Variants in PCDHA7 observed in about 807,000 individuals in gnomAD.
PCDHA7 encodes the protein protocadherin alpha 7, also known as protocadherin alpha-7.
In PCDHA7, 37 loss-of-function variants were observed where a neutral mutation model predicts 57.2. The observed-to-expected ratio is 0.65, with a 90% CI of 0.50 to 0.85. The LOEUF (loss-of-function observed/expected upper bound fraction) is 0.85. PCDHA7 is among the 40% of genes least tolerant of loss of function. PCDHA7 has a pLI of 0.00. For missense variants in PCDHA7, 1,188 were observed against 1,241.8 expected, an observed-to-expected ratio of 0.96 and a Z score of 0.65; for synonymous variants, 553 against 558.8, an observed-to-expected ratio of 0.99 and a Z score of 0.15.
chr5:141,009,732 A>G lies in PCDHA7; in HGVS notation c.2609A>G (p.Glu870Gly). ...AACCCCAAACAATCCGGTCCCGGTG[A>G]GTTGCCCGACAAATTCATTATCCCA... is the stretch of plus-strand genomic sequence containing the variant. Reference protein sequence around the residue: ...PGNPKQSGPGELPDKFIIPGS... With the variant: ...PGNPKQSGPGGLPDKFIIPGS... Residue 870 changes from glutamate to glycine, a missense_variant, in exon 4 of 4, where the codon GAG becomes GGG. Transcript: ENST00000525929. The G allele has an allele frequency of 6.2e-7, 1 of 1,614,168 alleles. No individual in the cohort carries two copies. Among genetic ancestry groups the G allele is most frequent in the Non-Finnish European group, 8.5e-7 (1 of 1,180,032 alleles).
In PCDHA7 at chr5:140,848,080, C is replaced by T. The variant is rs114595741; in HGVS notation, c.2355+11342C>T. 638 of 165,510 alleles carry T rather than the reference C, an allele frequency of 3.9e-3. 35 individuals carry two copies. Among genetic ancestry groups the T allele is most frequent in the African/African-American group, 0.014 (569 of 41,328 alleles). 10.3% of individuals were successfully genotyped at this position (165,510 alleles called of 1,614,324 possible). A position where few individuals can be genotyped will look rare whatever the true frequency, so the allele number is the denominator to read the frequency against. ...ACTTCATTTCTGTCGTTATTTAAAA[C>T]TTAAGTGGAGAGTTTTCTCAGGGAT... On this transcript the variant is annotated intron_variant, in intron 1 of 3. Transcript: ENST00000525929.
intron 1 of PCDHA7, chr5:140,851,395 A>G: frequency 1.0e-6 from 1 of 973,138 alleles, no homozygotes; most frequent in Non-Finnish European, 1.2e-6. Context: ...AGTATCTATT[A>G]TTTTAATAAG....
chr5:140,863,393 C>T (rs782189753), intron 1 of PCDHA7: 2 of 924,736 alleles, frequency 2.2e-6, no homozygotes, highest in African/African-American at 1.7e-5. Context: ...TCGTGCATGC[C>T]GGGCAAGCCC....
chr5:140,901,175 T>C (rs2068484045), intron 1 of PCDHA7, among the ~76,000 whole-genome samples: 1 of 152,162 alleles, frequency 6.6e-6, no homozygotes, highest in African/African-American at 2.4e-5. Context: ...CTTCACTTTG[T>C]TGATTGTTTG....
At chr5:140,883,343 A>G in intron 1 of PCDHA7, 1 of 1,614,142 alleles carries the variant, frequency 6.2e-7, no homozygotes, top group Non-Finnish European at 8.5e-7. Context: ...GTCACTCCCC[A>G]TCAGAGAAGA....
chr5:140,875,938 G>A (rs375005102), intron 1 of PCDHA7: 5 of 1,614,020 alleles, frequency 3.1e-6, no homozygotes, highest in Middle Eastern at 1.6e-4. Flanking sequence ...TCCTCTAGAG[G>A]GCGCTTCTGA....
chr5:140,917,338 G>GGGGGGGT (rs2078134893), intron 1 of PCDHA7, among the ~76,000 whole-genome samples: 1 of 137,894 alleles, frequency 7.3e-6, no homozygotes, highest in Non-Finnish European at 1.6e-5. Context: ...GGAGGGGGGG[G>GGGGGGGT]ATGGTGTAGG....
At chr5:140,841,683 T>C in intron 1 of PCDHA7, 1 of 1,613,816 alleles carries the variant, frequency 6.2e-7, no homozygotes, top group South Asian at 1.1e-5. Flanking sequence ...CATGTGGACG[T>C]GGAGGTGAAG....
chr5:140,973,639 T>C (rs1563426866), intron 1 of PCDHA7, among the ~76,000 whole-genome samples: 2 of 152,362 alleles, frequency 1.3e-5, no homozygotes, highest in East Asian at 3.9e-4. Context: ...GTACACATTC[T>C]GACTGAAGAA....
At chr5:140,982,650 CTCTTTT>C (rs2096993978) in intron 3 of PCDHA7, 87 bp downstream of exon 3, 1 of 1,507,000 alleles carries the variant, frequency 6.6e-7, no homozygotes, top group South Asian at 1.3e-5. Context: ...ATGTTGATGG[CTCTTTT>C]TCTTTTATAT....
intron 3 of PCDHA7, among the ~76,000 whole-genome samples, chr5:141,008,053 C>T (rs1554261648): frequency 6.6e-6 from 1 of 152,056 alleles, no homozygotes; most frequent in African/African-American, 2.4e-5. Context: ...AACAGGGGTC[C>T]AGTCCATCTA....
intron 1 of PCDHA7, chr5:140,968,722 T>A (rs1379540261): frequency 6.2e-7 from 1 of 1,613,728 alleles, no homozygotes; most frequent in Non-Finnish European, 8.5e-7. Context: ...GAGATGAGAG[T>A]GGTAGCACTT....
rs2150249175 is a variant in PCDHA7, at chr5:140,835,961, G to A, written c.1578G>A (p.Glu526=). ...KVYALQPLDH[E]ELELLQFQVS... ...ACGCGCTGCAGCCGTTGGACCACGA[G>A]GAGCTGGAGCTGTTGCAGTTCCAGG... is the stretch of plus-strand genomic sequence containing the variant. Residue 526 remains glutamate, a synonymous_variant, in exon 1 of 4, where the codon GAG becomes GAA. Coordinates refer to ENST00000525929, the MANE Select transcript of PCDHA7 (RefSeq NM_018910.3). The A allele has an allele frequency of 6.2e-7, 1 of 1,613,162 alleles. No homozygotes were observed. The highest frequency in any genetic ancestry group is 1.7e-5 in the Admixed American group (1 of 60,020).
chr5:140,993,265 C>A (rs1196226593), intron 3 of PCDHA7, among the ~76,000 whole-genome samples: 1 of 152,062 alleles, frequency 6.6e-6, no homozygotes, highest in Non-Finnish European at 1.5e-5. Flanking sequence ...AAATTAGCTT[C>A]TTTGGTCTTT....
chr5:140,868,662 A>G (rs2050574102), intron 1 of PCDHA7: 1 of 163,768 alleles, frequency 6.1e-6, no homozygotes, highest in South Asian at 1.6e-4. Context: ...AGTATTTTAG[A>G]TAAGTAAAAG....
At chr5:140,999,486 A>G (rs1282748321) in intron 3 of PCDHA7, among the ~76,000 whole-genome samples, 1 of 152,144 alleles carries the variant, frequency 6.6e-6, no homozygotes, top group Non-Finnish European at 1.5e-5. Context: ...ACTCAAGTCT[A>G]TGTTACCCAA....
At chr5:140,856,906 C>A (rs2044264701) in intron 1 of PCDHA7, 5 of 1,596,020 alleles carry the variant, frequency 3.1e-6, no homozygotes, top group Non-Finnish European at 2.6e-6. Flanking sequence ...TGGTCCCACC[C>A]ACGATAAGAA....
intron 1 of PCDHA7, among the ~76,000 whole-genome samples, chr5:140,901,959 A>G (rs1163639408): frequency 6.6e-6 from 1 of 152,076 alleles, no homozygotes; most frequent in Admixed American, 6.6e-5. Flanking sequence ...ATTCGTGGCT[A>G]TCGTAAATGG....
In PCDHA7 at chr5:140,836,217, C is replaced by T; in HGVS notation, c.1834C>T (p.Gln612Ter). The T allele has an allele frequency of 6.2e-7, 1 of 1,613,820 alleles. No individual in the cohort carries two copies. The highest frequency in any genetic ancestry group is 8.5e-7 in the Non-Finnish European group (1 of 1,179,814). Residue 612 changes from glutamine to a stop codon, truncating the protein, a stop_gained, in exon 1 of 4, where the codon CAA (glutamine) becomes TAA (stop). Transcript: ENST00000525929. LOFTEE classifies it high-confidence loss of function. ...CAACGCGTGGCTTTCGTATGAGTTGCAACCGGTGGCGGCCGGTGCGAGCAT... is the reference window on the plus strand; with the variant it reads ...CAACGCGTGGCTTTCGTATGAGTTGTAACCGGTGGCGGCCGGTGCGAGCAT... ...GYNAWLSYEL[Q>*]PVAAGASIPF... is the part of the protein sequence containing the mutation.
Sources: allele counts gnomAD v4.1 joint callset (sites outside exome capture counted in the v4.1 genomes callset), GRCh38; gene constraint gnomAD v4.1.1; transcripts MANE v1.5; gene names NCBI Gene and HGNC (gene_info 2026-07-23, HGNC 2026-07-21).